TGFB2: variants seen among roughly 807,000 people sequenced by gnomAD.
The protein encoded by TGFB2 is transforming growth factor beta-2 proprotein.
Under a neutral mutation model 42.7 loss-of-function variants are expected in TGFB2, and 13 were observed. The observed-to-expected ratio is 0.30, with a 90% CI of 0.20 to 0.48. The LOEUF is 0.48. Among genes scored for constraint, TGFB2 ranks in the 20% least tolerant of loss-of-function variants. The pLI is 0.99. For missense variants in TGFB2, 390 were observed against 517.5 expected (o/e 0.75, Z 2.39); for synonymous variants, 193 against 193.6 (o/e 1.00, Z 0.03).
At chr1:218,437,581 C>A in intron 6 of TGFB2, 85 bp downstream of exon 6, 1 of 1,405,630 alleles carries the variant, frequency 7.1e-7, no homozygotes, top group Middle Eastern at 1.8e-4. Flanking sequence ...TTGTAATTAA[C>A]CTCGTGCTGT....
At chr1:218,412,279 G>C (rs1158716507) in intron 2 of TGFB2, among the ~76,000 whole-genome samples, 1 of 152,236 alleles carries the variant, frequency 6.6e-6, no homozygotes, top group Non-Finnish European at 1.5e-5. Flanking sequence ...ATTCTTGCCA[G>C]AAAGGGAGTT....
intron 1 of TGFB2, among the ~76,000 whole-genome samples, chr1:218,383,390 A>G (rs1350762080): frequency 2.0e-5 from 3 of 152,230 alleles, no homozygotes; most frequent in African/African-American, 7.2e-5. Flanking sequence ...TTTAATGTAT[A>G]GTCTATTGCA....
Position 218,425,773 on chromosome 1 carries a change from G to A in TGFB2, c.511-8309G>A, listed in dbSNP as rs11466404. 9.8e-3 allele frequency among the ~76,000 whole-genome samples: 1,486 copies of A among 152,292 alleles called. 10 individuals carry two copies. Among genetic ancestry groups the A allele is most frequent in the Non-Finnish European group, 0.016 (1,071 of 68,030 alleles). On this transcript the variant is annotated intron_variant, in intron 2 of 6. Coordinates refer to ENST00000366930, the MANE Select transcript of TGFB2 (RefSeq NM_003238.6). Reference sequence around the variant, plus strand: ...AATAGTGAGTTCACGGTCATGAGAGGCCTTTAGACAAAGAGATGTTAGAGA... The same window carrying A: ...AATAGTGAGTTCACGGTCATGAGAGACCTTTAGACAAAGAGATGTTAGAGA...
At chr1:218,400,975 A>G (rs1427636790) in intron 1 of TGFB2, among the ~76,000 whole-genome samples, 1 of 152,190 alleles carries the variant, frequency 6.6e-6, no homozygotes, top group Non-Finnish European at 1.5e-5. Context: ...CCCTCTGTGC[A>G]TGCTCCATTG....
At chr1:218,369,524 C>T (rs573634843) in intron 1 of TGFB2, among the ~76,000 whole-genome samples, 2 of 152,252 alleles carry the variant, frequency 1.3e-5, no homozygotes, top group East Asian at 3.9e-4. Flanking sequence ...TAGTTATTGG[C>T]AACTCACCCC....
chr1:218,363,943 A>G (rs1332045081), intron 1 of TGFB2, among the ~76,000 whole-genome samples: 3 of 152,160 alleles, frequency 2.0e-5, no homozygotes, highest in Admixed American at 6.5e-5. Context: ...ATGGCCTTGA[A>G]TGCGGCCCAA....
intron 1 of TGFB2, among the ~76,000 whole-genome samples, chr1:218,386,442 G>C (rs1658140716): frequency 6.6e-6 from 1 of 152,208 alleles, no homozygotes; most frequent in African/African-American, 2.4e-5. Flanking sequence ...TGTAGGCACT[G>C]CTCCTAGAAA....
chr1:218,437,577 T>C lies in TGFB2; in HGVS notation c.1086+81T>C, dbSNP rs10482823. 1,189 of 1,432,490 alleles carry C rather than the reference T, an allele frequency of 8.3e-4. 15 individuals are homozygous for C. The East Asian group carries it at 0.018, about 21-fold the overall frequency. The allele number at this position is 1,432,490 out of a possible 1,614,324, so 88.7% of individuals were successfully genotyped here. ...GATAGTATTTCCAAATGAGTTGTAA[T>C]TAACCTCGTGCTGTCTTACCATCAC... On this transcript the variant is annotated intron_variant, in intron 6 of 6. Transcript: ENST00000366930.
At chr1:218,358,044 A>C (rs1657096557) in intron 1 of TGFB2, among the ~76,000 whole-genome samples, 1 of 152,232 alleles carries the variant, frequency 6.6e-6, no homozygotes. Context: ...ATCTGTCTTG[A>C]CAAGCTAGTT....
At chr1:218,376,892 A>T (rs1351246395) in intron 1 of TGFB2, among the ~76,000 whole-genome samples, 1 of 152,152 alleles carries the variant, frequency 6.6e-6, no homozygotes, top group African/African-American at 2.4e-5. Context: ...TTGGTTAATG[A>T]AACCAGCTTT....
chr1:218,434,274 T>A, intron 3 of TGFB2, 60 bp downstream of exon 3: 3 of 1,611,748 alleles, frequency 1.9e-6, no homozygotes, highest in Admixed American at 1.7e-5. Flanking sequence ...TTACTTTAAA[T>A]TGATTGCAGA....
chr1:218,414,472 C>T (rs1052872590), intron 2 of TGFB2, among the ~76,000 whole-genome samples: 5 of 152,138 alleles, frequency 3.3e-5, no homozygotes, highest in Non-Finnish European at 7.4e-5. Context: ...TGGAGACATA[C>T]ATAGCATAGT....
intron 2 of TGFB2, among the ~76,000 whole-genome samples, chr1:218,427,555 A>G (rs952221277): frequency 2.3e-4 from 35 of 151,966 alleles, no homozygotes; most frequent in Admixed American, 4.6e-4. Flanking sequence ...TCATTGTTCA[A>G]TTCCCACCTA....
intron 2 of TGFB2, among the ~76,000 whole-genome samples, chr1:218,433,401 G>A (rs1659870943): frequency 6.6e-6 from 1 of 152,154 alleles, no homozygotes; most frequent in African/African-American, 2.4e-5. Flanking sequence ...CAGTGTTTAG[G>A]CTGGTTTGCT....
intron 1 of TGFB2, 89 bp from the exon 2 acceptor site, chr1:218,405,080 A>G: frequency 1.4e-6 from 2 of 1,393,744 alleles, no homozygotes; most frequent in Non-Finnish European, 1.9e-6. Context: ...TATTTCCCTT[A>G]TGGTTTCTTG....
rs920596570 is a variant in TGFB2 at position 218,345,868 on chromosome 1, G to T, written c.-834G>T. 6.6e-6 allele frequency among the ~76,000 whole-genome samples: 1 copy of T among 152,048 alleles called. No individual in the cohort carries two copies. The highest frequency in any genetic ancestry group is 1.5e-5 in the Non-Finnish European group (1 of 67,986). ...GTTTGCAAGCGGCGGCGGCAGCAAC[G>T]TGGAGTAACCAAGCGGGTCAGCGCG... On this transcript the variant is annotated 5_prime_UTR_variant, in exon 1 of 7. Transcript: ENST00000366930.
intron 1 of TGFB2, among the ~76,000 whole-genome samples, chr1:218,401,154 T>C (rs1196167845): frequency 6.6e-6 from 1 of 152,202 alleles, no homozygotes; most frequent in African/African-American, 2.4e-5. Context: ...GGAGAAAAAC[T>C]ATAAGGAAAG....
chr1:218,352,937 G>T (rs1039578154), intron 1 of TGFB2, among the ~76,000 whole-genome samples: 1 of 152,152 alleles, frequency 6.6e-6, no homozygotes, highest in African/African-American at 2.4e-5. Context: ...TGGCCTTCTA[G>T]GGTTGTAAGG....
At position 218,364,719 on chromosome 1, in the gene TGFB2, A is replaced by G. The variant is rs866381191; in HGVS notation, c.346+17672A>G. On this transcript the variant is annotated intron_variant, in intron 1 of 6. Transcript: ENST00000366930. ...TTAGAAATCAGTATAGTTTATTTAC[A>G]GTGGCCTAAGCTGGGGTTTCCTCAA... 3.9e-5 allele frequency among the ~76,000 whole-genome samples: 6 copies of G among 152,310 alleles called. No homozygotes were observed. In the South Asian group the frequency reaches 1.2e-3, roughly 32 times the overall value.
Sources: allele counts gnomAD v4.1 joint callset (sites outside exome capture counted in the v4.1 genomes callset), GRCh38; gene constraint gnomAD v4.1.1; transcripts MANE v1.5; gene names NCBI Gene and HGNC (gene_info 2026-07-23, HGNC 2026-07-21).